Variants in ALPL observed in about 807,000 individuals in gnomAD.
ALPL encodes alkaline phosphatase, biomineralization associated.
A neutral mutation model predicts 51.3 loss-of-function variants in ALPL; 42 were observed. The ratio of observed to expected loss-of-function variants is 0.82; its 90% CI spans 0.64 to 1.06. ALPL has a LOEUF of 1.06. Ranked by LOEUF, ALPL falls within the 50% of genes least tolerant of loss-of-function variation. ALPL has a pLI of 0.00. For synonymous variants in ALPL, 279 were observed against 296.4 expected (o/e 0.94, Z 0.60); for missense variants, 589 against 709.4 (o/e 0.83, Z 1.93).
chr1:21,540,091 G>A (rs577278491), intron 1 of ALPL, among the ~76,000 whole-genome samples: 75 of 152,256 alleles, frequency 4.9e-4, no homozygotes, highest in Non-Finnish European at 7.6e-4. Context: ...GATGTAGTGC[G>A]TGCGCCACCC....
rs573745427 is a variant in ALPL at position 21,537,827 on chromosome 1, C to T, written c.-104-16151C>T. Among the ~76,000 whole-genome samples the T allele has an allele frequency of 2.0e-5, 3 of 152,314 alleles. No individual in the cohort carries two copies. In the South Asian group the frequency reaches 6.2e-4, roughly 32 times the overall value. ...TGAGCCTTGGTTTTTCCTCCTGAGC[C>T]GGAGCTGATCATTTGCACTTCACTG... On this transcript the variant is annotated intron_variant, in intron 1 of 11. Transcript: ENST00000374840.
At chr1:21,513,994 T>C (rs2148053136) in intron 1 of ALPL, among the ~76,000 whole-genome samples, 1 of 152,356 alleles carries the variant, frequency 6.6e-6, no homozygotes, top group African/African-American at 2.4e-5. Context: ...TGAGGCCATG[T>C]AAGAGGGGCT....
At chr1:21,531,228 G>A (rs1167786544) in intron 1 of ALPL, among the ~76,000 whole-genome samples, 1 of 152,106 alleles carries the variant, frequency 6.6e-6, no homozygotes, top group Non-Finnish European at 1.5e-5. Flanking sequence ...CAAAGTGCGG[G>A]ATTACAGGTG....
rs1553414111 is a variant in ALPL at position 21,573,723 on chromosome 1, G to A, written c.921G>A (p.Pro307=). 6.2e-7 allele frequency: 1 copy of A among 1,614,098 alleles called. No individual in the cohort carries two copies. Among genetic ancestry groups the A allele is most frequent in the Non-Finnish European group, 8.5e-7 (1 of 1,180,012 alleles). The part of the protein sequence containing the change: ...YELNRNNVTD[P]SLSEMVVVAI... Reference sequence around the variant, plus strand: ...TGAACAGGAACAACGTGACGGACCCGTCACTCTCCGAGATGGTGGTGGTGG... The same window carrying A: ...TGAACAGGAACAACGTGACGGACCCATCACTCTCCGAGATGGTGGTGGTGG... Residue 307 remains proline, a synonymous_variant, in exon 9 of 12, where the codon CCG becomes CCA. Transcript: ENST00000374840.
chr1:21,566,097 C>T (rs987584353), intron 6 of ALPL, among the ~76,000 whole-genome samples: 2 of 152,056 alleles, frequency 1.3e-5, no homozygotes, highest in East Asian at 3.9e-4. Flanking sequence ...CCCAGCCCAC[C>T]CTGCCCCCTG....
At chr1:21,509,101 G>T (rs1287649712), upstream of ALPL, among the ~76,000 whole-genome samples, 1 of 152,070 alleles carries the variant, frequency 6.6e-6, no homozygotes, top group African/African-American at 2.4e-5. This position sits in a 1 kb window ranked among gnomAD's most constrained non-coding sequence, Gnocchi z 6.0. Flanking sequence ...GGAGACGCGC[G>T]CAAGGAGCAG....
At chr1:21,547,816 A>G (rs1644272543) in intron 1 of ALPL, among the ~76,000 whole-genome samples, 1 of 152,222 alleles carries the variant, frequency 6.6e-6, no homozygotes, top group African/African-American at 2.4e-5. Flanking sequence ...GGCTGAGTGG[A>G]ACATGAGGGC....
chr1:21,549,253 G>A (rs1463264147), intron 1 of ALPL, among the ~76,000 whole-genome samples: 2 of 152,058 alleles, frequency 1.3e-5, no homozygotes, highest in African/African-American at 4.8e-5. Context: ...GTTTGATCAG[G>A]GTGTTAACTG....
chr1:21,538,737 G>A (rs1697412), intron 1 of ALPL, among the ~76,000 whole-genome samples: 141,518 of 152,118 alleles, frequency 0.93, 65,995 homozygotes, highest in East Asian at 1. Flanking sequence ...CCACCTGGCC[G>A]GGGGCAGAGC....
chr1:21,575,497 AC>A (rs1644714398), intron 9 of ALPL, among the ~76,000 whole-genome samples: 1 of 152,074 alleles, frequency 6.6e-6, no homozygotes, highest in South Asian at 2.1e-4. Flanking sequence ...ACACATCTGG[AC>A]TTTGCAGCCC....
intron 1 of ALPL, among the ~76,000 whole-genome samples, chr1:21,514,321 C>T (rs1379714598): frequency 6.6e-6 from 1 of 152,170 alleles, no homozygotes; most frequent in East Asian, 1.9e-4. Flanking sequence ...ACTCCCTTGA[C>T]AGCTTCCACC....
intron 2 of ALPL, among the ~76,000 whole-genome samples, chr1:21,554,780 G>A (rs1310575654): frequency 5.4e-5 from 8 of 149,074 alleles, no homozygotes; most frequent in Non-Finnish European, 1.0e-4. Flanking sequence ...GTGAGCCACC[G>A]CGCCTGGCCT....
chr1:21,557,615 G>C (rs1644430071), intron 2 of ALPL, among the ~76,000 whole-genome samples: 1 of 152,202 alleles, frequency 6.6e-6, no homozygotes, highest in African/African-American at 2.4e-5. Flanking sequence ...CTGTTGCCAG[G>C]CTGGAGTGCA....
chr1:21,558,524 C>T (rs1644442786), intron 2 of ALPL, among the ~76,000 whole-genome samples: 1 of 152,252 alleles, frequency 6.6e-6, no homozygotes, highest in African/African-American at 2.4e-5. Flanking sequence ...CATCCTAGAA[C>T]TGCCTGTGGA....
intron 4 of ALPL, 85 bp from the exon 5 acceptor site, chr1:21,563,025 A>G (rs553795209): frequency 7.1e-6 from 11 of 1,556,796 alleles, no homozygotes; most frequent in African/African-American, 4.1e-5. Flanking sequence ...CTCACGCCCC[A>G]GTCCCCATGG....
At chr1:21,554,863 T>TTCTC (rs1309271665) in intron 2 of ALPL, among the ~76,000 whole-genome samples, 3 of 135,532 alleles carry the variant, frequency 2.2e-5, no homozygotes, top group African/African-American at 8.1e-5. Flanking sequence ...CTTTCTTTCT[T>TTCTC]TCTTTCTTTC....
chr1:21,568,539 C>T (rs1370940587), intron 7 of ALPL, among the ~76,000 whole-genome samples: 7 of 151,972 alleles, frequency 4.6e-5, no homozygotes, highest in Admixed American at 6.6e-5. Flanking sequence ...AGGCACCTGG[C>T]GGGGCATGCG....
At chr1:21,518,218 A>G (rs182235378) in intron 1 of ALPL, among the ~76,000 whole-genome samples, 1 of 152,150 alleles carries the variant, frequency 6.6e-6, no homozygotes, top group East Asian at 2.0e-4. Context: ...GTGACGAGAA[A>G]GAGGCTGGTT....
chr1:21,512,961 C>T (rs1643720658), intron 1 of ALPL, among the ~76,000 whole-genome samples: 1 of 152,132 alleles, frequency 6.6e-6, no homozygotes, highest in Admixed American at 6.5e-5. Context: ...TTAAGCTGCT[C>T]AAGTATTACC....
Sources: allele counts gnomAD v4.1 joint callset (sites outside exome capture counted in the v4.1 genomes callset), GRCh38; gene constraint gnomAD v4.1.1; non-coding constraint Gnocchi (gnomAD v3.1); transcripts MANE v1.5; gene names NCBI Gene and HGNC (gene_info 2026-07-23, HGNC 2026-07-21).